Variants in INPP4B observed in about 807,000 individuals in gnomAD.
The protein encoded by INPP4B is inositol polyphosphate-4-phosphatase type II B.
INPP4B carries 55 observed loss-of-function variants against 122.5 expected under a neutral mutation model. The observed-to-expected ratio is 0.45, with a 90% CI of 0.36 to 0.56. The LOEUF is 0.56. Among genes scored for constraint, INPP4B ranks in the 20% least tolerant of loss-of-function variants. INPP4B has a pLI of 0.00. For synonymous variants in INPP4B, 403 were observed against 388.7 expected (o/e 1.04, Z -0.43); for missense variants, 1,000 against 1,097.7 (o/e 0.91, Z 1.26).
At chr4:142,061,881 CACACATATATATAT>C (rs1486700210) in intron 25 of INPP4B, among the ~76,000 whole-genome samples, 7 of 8,100 alleles carry the variant, frequency 8.6e-4, no homozygotes, top group African/African-American at 1.5e-3. Context: ...CACACACACA[CACACATATATATAT>C]ATATATATAT....
intron 7 of INPP4B, among the ~76,000 whole-genome samples, chr4:142,349,885 A>G (rs561086223): frequency 3.6e-5 from 4 of 110,390 alleles, no homozygotes; most frequent in African/African-American, 5.6e-5. Context: ...ATACTGTCAG[A>G]TAAGTTGTAA....
At chr4:142,489,641 G>A (rs1465272453) in intron 2 of INPP4B, among the ~76,000 whole-genome samples, 1 of 152,104 alleles carries the variant, frequency 6.6e-6, no homozygotes, top group Non-Finnish European at 1.5e-5. Flanking sequence ...TGATCTGCCT[G>A]CCTCGGCCTC....
chr4:142,555,640 G>A (rs930811229), intron 2 of INPP4B, among the ~76,000 whole-genome samples: 30 of 152,018 alleles, frequency 2.0e-4, no homozygotes, highest in African/African-American at 2.2e-4. Context: ...AGGCCGAGGC[G>A]GGTGGATCAC....
intron 2 of INPP4B, among the ~76,000 whole-genome samples, chr4:142,610,424 G>T (rs1416549458): frequency 6.6e-6 from 1 of 151,870 alleles, no homozygotes; most frequent in African/African-American, 2.4e-5. Flanking sequence ...GCCATCTGAG[G>T]GTAGTGACTA....
intron 25 of INPP4B, among the ~76,000 whole-genome samples, chr4:142,032,760 A>G (rs141237924): frequency 1.6e-4 from 25 of 152,292 alleles, no homozygotes; most frequent in African/African-American, 5.5e-4. Flanking sequence ...TGGTGATAAT[A>G]ACAACATGTA....
At chr4:142,447,002 G>A (rs1370755981) in intron 3 of INPP4B, among the ~76,000 whole-genome samples, 1 of 152,116 alleles carries the variant, frequency 6.6e-6, no homozygotes, top group Non-Finnish European at 1.5e-5. Context: ...TTCTTAAAAC[G>A]GGTAATAGGA....
At chr4:142,079,780 A>C (rs1447387898) in intron 25 of INPP4B, among the ~76,000 whole-genome samples, 1 of 152,074 alleles carries the variant, frequency 6.6e-6, no homozygotes, top group African/African-American at 2.4e-5. Context: ...GATTTACTTA[A>C]ATAGGGAAGA....
At chr4:142,085,789 T>C (rs145446016) in intron 24 of INPP4B, among the ~76,000 whole-genome samples, 1,692 of 152,326 alleles carry the variant, frequency 0.011, 29 homozygotes, top group African/African-American at 0.038. Context: ...CCACATTCTG[T>C]TGAAACCATA....
intron 1 of INPP4B, among the ~76,000 whole-genome samples, chr4:142,781,562 A>C (rs2151028560): frequency 6.6e-6 from 1 of 152,296 alleles, no homozygotes; most frequent in South Asian, 2.1e-4. Flanking sequence ...TAAAAACATG[A>C]ATTGGATTGA....
At chr4:142,602,726 G>A (rs1157761326) in intron 2 of INPP4B, among the ~76,000 whole-genome samples, 9 of 152,154 alleles carry the variant, frequency 5.9e-5, no homozygotes, top group Non-Finnish European at 1.5e-5. Flanking sequence ...AGATGCTGGT[G>A]ACATTGCAAA....
chr4:142,130,221 C>T (rs567415487), intron 18 of INPP4B, among the ~76,000 whole-genome samples: 22 of 152,050 alleles, frequency 1.4e-4, no homozygotes, highest in Non-Finnish European at 1.0e-4. Context: ...CACAGTGAGG[C>T]TTTGTAGGAA....
rs190014202 is a variant in INPP4B, at chr4:142,065,805, C to T, written c.2642+16226G>A. 3.5e-3 allele frequency among the ~76,000 whole-genome samples: 536 copies of T among 152,118 alleles called. 3 individuals carry two copies. Among genetic ancestry groups the T allele is most frequent in the African/African-American group, 0.012 (504 of 41,490 alleles). ...ATACTAAAAACTACTGCATTGTACC[C>T]TATAATATGTTCACTAGTTTATTAT... On this transcript the variant is annotated intron_variant, in intron 25 of 25. Transcript: ENST00000262992.
intron 2 of INPP4B, among the ~76,000 whole-genome samples, chr4:142,562,889 T>C (rs1398059580): frequency 1.3e-5 from 2 of 152,172 alleles, no homozygotes; most frequent in Non-Finnish European, 2.9e-5. Context: ...CTAAATGCCA[T>C]TGTAGTTGAA....
intron 1 of INPP4B, among the ~76,000 whole-genome samples, chr4:142,813,125 T>C (rs551400991): frequency 6.6e-6 from 1 of 152,176 alleles, no homozygotes; most frequent in Non-Finnish European, 1.5e-5. Flanking sequence ...CTACATGAAC[T>C]CTTTCTAAAC....
intron 7 of INPP4B, among the ~76,000 whole-genome samples, chr4:142,329,453 A>G (rs1436364532): frequency 6.6e-6 from 1 of 152,244 alleles, no homozygotes; most frequent in Non-Finnish European, 1.5e-5. Context: ...TACAATTACA[A>G]TGGGAAACTC....
intron 1 of INPP4B, among the ~76,000 whole-genome samples, chr4:142,829,405 C>T (rs1004206050): frequency 6.6e-6 from 1 of 152,080 alleles, no homozygotes; most frequent in Non-Finnish European, 1.5e-5. Flanking sequence ...CTGTGAGGTC[C>T]CCAGGACTGG....
At chr4:142,819,819 C>T (rs533284426) in intron 1 of INPP4B, among the ~76,000 whole-genome samples, 1 of 152,138 alleles carries the variant, frequency 6.6e-6, no homozygotes, top group Non-Finnish European at 1.5e-5. Context: ...GGCTCATAGC[C>T]AATTATTGAC....
At chr4:142,522,716 C>A (rs905817719) in intron 2 of INPP4B, among the ~76,000 whole-genome samples, 1 of 152,012 alleles carries the variant, frequency 6.6e-6, no homozygotes, top group Non-Finnish European at 1.5e-5. Flanking sequence ...AGGTTGGACA[C>A]AATAAGAACA....
At chr4:142,487,436 T>C (rs1821340788) in intron 2 of INPP4B, among the ~76,000 whole-genome samples, 1 of 152,190 alleles carries the variant, frequency 6.6e-6, no homozygotes, top group Non-Finnish European at 1.5e-5. Flanking sequence ...CTATTCTTGA[T>C]CCTGTGGATT....
Sources: allele counts gnomAD v4.1 joint callset (sites outside exome capture counted in the v4.1 genomes callset), GRCh38; gene constraint gnomAD v4.1.1; transcripts MANE v1.5; gene names NCBI Gene and HGNC (gene_info 2026-07-23, HGNC 2026-07-21).